The following CDC42EP2 variants were observed in gnomAD, a reference collection of about 807,000 sequenced individuals.
CDC42EP2 encodes the protein CDC42 effector protein 2.
A neutral mutation model predicts 7.3 loss-of-function variants in CDC42EP2; 5 were observed. The observed-to-expected ratio is 0.68, with a 90% confidence interval of 0.36 to 1.44. CDC42EP2 has a LOEUF of 1.44. Ranked by LOEUF, CDC42EP2 falls within the 40% of genes most tolerant of loss-of-function variation. The pLI is 0.04. For missense variants in CDC42EP2, 251 were observed against 282.6 expected (o/e 0.89, Z 0.80); for synonymous variants, 113 against 123.6 (o/e 0.91, Z 0.57).
chr11:65,321,309 C>T lies in CDC42EP2; in HGVS notation c.411C>T (p.Thr137=), dbSNP rs1949973806. 6.2e-7 allele frequency: 1 copy of T among 1,613,878 alleles called. No individual in the cohort carries two copies. Among genetic ancestry groups the T allele is most frequent in the African/African-American group, 1.3e-5 (1 of 74,910 alleles). ...AGCCCCCTCGCCTGCACCTGGAGAC[C>T]CCTCAGCCTTCCCCACAGGAGGGAG... ...PPKPPRLHLE[T]PQPSPQEGGS... The change falls in exon 2 of 2, where the codon ACC becomes ACT. Residue 137 remains threonine, a synonymous_variant. Transcript: ENST00000279249. The surrounding 1 kb of genome is among the most constrained non-coding windows in gnomAD (Gnocchi z 4.4).
chr11:65,315,937 G>T lies in CDC42EP2; in HGVS notation c.-356+983G>T, dbSNP rs563575343. ...CGGAGAATCGAAGTGCTTGAGGAAGGAAGGCCTTGTAGATATTTGCTGAAT... is the reference window on the plus strand; with the variant it reads ...CGGAGAATCGAAGTGCTTGAGGAAGTAAGGCCTTGTAGATATTTGCTGAAT... On this transcript the variant is annotated intron_variant, in intron 1 of 1. Coordinates refer to ENST00000279249, the MANE Select transcript of CDC42EP2 (RefSeq NM_006779.4). This position sits in a 1 kb window ranked among gnomAD's most constrained non-coding sequence, Gnocchi z 4.1. 6.6e-6 allele frequency among the ~76,000 whole-genome samples: 1 copy of T among 152,224 alleles called. No homozygotes were observed. Among genetic ancestry groups the T allele is most frequent in the Non-Finnish European group, 1.5e-5 (1 of 68,032 alleles).
At chr11:65,318,868 C>CTTTTTTTTTTTTTT (rs11333656) in intron 1 of CDC42EP2, among the ~76,000 whole-genome samples, 3 of 25,580 alleles carry the variant, frequency 1.2e-4, no homozygotes, top group African/African-American at 2.3e-4. Flanking sequence ...CTGCACCTGA[C>CTTTTTTTTTTTTTT]TTTTTTTTTT....
chr11:65,317,275 C>T (rs541422621), intron 1 of CDC42EP2: 1 of 152,376 alleles, frequency 6.6e-6, no homozygotes, highest in East Asian at 1.9e-4. Flanking sequence ...CTCAGTACGA[C>T]TGACCCGGGT....
rs1454120522 is a variant in CDC42EP2, at chr11:65,321,807, TCTTC to T, written c.*281_*284del. 2 of 383,814 alleles carry T rather than the reference TCTTC, an allele frequency of 5.2e-6. No individual in the cohort carries two copies. Among genetic ancestry groups the T allele is most frequent in the African/African-American group, 4.0e-5 (2 of 49,500 alleles). 23.8% of individuals were successfully genotyped at this position (383,814 alleles called of 1,614,324 possible). On this transcript the variant is annotated 3_prime_UTR_variant, in exon 2 of 2. Transcript: ENST00000279249. This position sits in a 1 kb window ranked among gnomAD's most constrained non-coding sequence, Gnocchi z 4.4. ...ACCTGGACCCCATCACAATACTCCT[TCTTC>T]CTTCAGGTCCCTGGGTGAAGGCTTT...
chr11:65,318,572 A>C (rs1287231710), intron 1 of CDC42EP2, among the ~76,000 whole-genome samples: 3 of 152,046 alleles, frequency 2.0e-5, no homozygotes, highest in African/African-American at 4.8e-5. Flanking sequence ...TACAGGCGCC[A>C]GCCACCATGC....
chr11:65,320,845 T>C lies in CDC42EP2; in HGVS notation c.-54T>C. The C allele has an allele frequency of 6.5e-7, 1 of 1,538,942 alleles. No individual in the cohort carries two copies. The highest frequency in any genetic ancestry group is 8.8e-7 in the Non-Finnish European group (1 of 1,134,368). On this transcript the variant is annotated 5_prime_UTR_variant, in exon 2 of 2. Coordinates refer to ENST00000279249, the MANE Select transcript of CDC42EP2 (RefSeq NM_006779.4). The stretch of plus-strand genomic sequence containing the variant: ...CTGGCTGAGGGTTGGAGAGGAGGTG[T>C]GGTCTCAGCAGGCGGCCCGTAGCCT...
In CDC42EP2 at chr11:65,315,249, C is replaced by A. The variant is rs1444091188; in HGVS notation, c.-356+295C>A. 2.0e-5 allele frequency among the ~76,000 whole-genome samples: 3 copies of A among 152,240 alleles called. No individual in the cohort carries two copies. Among genetic ancestry groups the A allele is most frequent in the African/African-American group, 7.2e-5 (3 of 41,468 alleles). On this transcript the variant is annotated intron_variant, in intron 1 of 1. Coordinates refer to ENST00000279249, the MANE Select transcript of CDC42EP2 (RefSeq NM_006779.4). This position sits in a 1 kb window ranked among gnomAD's most constrained non-coding sequence, Gnocchi z 4.1. ...CGAGACCCAGGGGTGCCCCGCCGCC[C>A]AGCATCCCCACCGGGGCTGGGGGCC...
rs892173713 is a variant in CDC42EP2, at chr11:65,321,621, A to C, written c.*90A>C. 1.1e-4 allele frequency: 135 copies of C among 1,238,408 alleles called. No individual in the cohort carries two copies. Among genetic ancestry groups the C allele is most frequent in the Non-Finnish European group, 1.5e-4 (134 of 879,110 alleles). 76.7% of individuals were successfully genotyped at this position (1,238,408 alleles called of 1,614,324 possible). A position where few individuals can be genotyped will look rare whatever the true frequency, so the allele number is the denominator to read the frequency against. On this transcript the variant is annotated 3_prime_UTR_variant, in exon 2 of 2. Coordinates refer to ENST00000279249, the MANE Select transcript of CDC42EP2 (RefSeq NM_006779.4). This position sits in a 1 kb window ranked among gnomAD's most constrained non-coding sequence, Gnocchi z 4.4. ...GCCCTGGCGGCGGAGTCAGGGTCCCAAGATCCCACCTGTATGGTCGCTGGC... is the reference window on the plus strand; with the variant it reads ...GCCCTGGCGGCGGAGTCAGGGTCCCCAGATCCCACCTGTATGGTCGCTGGC...
Position 65,320,810 on chromosome 11 carries a change from AGT to A in CDC42EP2, c.-86_-85del. The A allele has an allele frequency of 1.4e-6, 2 of 1,401,156 alleles. No homozygotes were observed. The highest frequency in any genetic ancestry group is 1.9e-6 in the Non-Finnish European group (2 of 1,032,300). The allele number at this position is 1,401,156 out of a possible 1,614,324, so 86.8% of individuals were successfully genotyped here. A position where few individuals can be genotyped will look rare whatever the true frequency, so the allele number is the denominator to read the frequency against. Reference sequence around the variant, plus strand: ...CACCTGCAAACCACCCCGTGGAACGAGTGTTTCCTCTGGCTGAGGGTTGGAGA... The same window carrying A: ...CACCTGCAAACCACCCCGTGGAACGAGTTTCCTCTGGCTGAGGGTTGGAGA... On this transcript the variant is annotated 5_prime_UTR_variant, in exon 2 of 2. Transcript: ENST00000279249.
intron 1 of CDC42EP2, among the ~76,000 whole-genome samples, chr11:65,319,815 T>C (rs1416953002): frequency 1.3e-5 from 2 of 152,222 alleles, no homozygotes; most frequent in East Asian, 3.9e-4. Flanking sequence ...CTTGGTCAAG[T>C]AGGGAGTCAA....
In CDC42EP2 at chr11:65,321,606, C is replaced by T. The variant is rs576443899; in HGVS notation, c.*75C>T. ...TGGGGTGTGGACCCGGCCCTGGCGG[C>T]GGAGTCAGGGTCCCAAGATCCCACC... On this transcript the variant is annotated 3_prime_UTR_variant, in exon 2 of 2. Transcript: ENST00000279249. The surrounding 1 kb of genome is among the most constrained non-coding windows in gnomAD (Gnocchi z 4.4). The T allele has an allele frequency of 2.4e-5, 34 of 1,417,958 alleles. No individual in the cohort carries two copies. The highest frequency in any genetic ancestry group is 1.6e-4 in the African/African-American group (11 of 69,878). 87.8% of individuals were successfully genotyped at this position (1,417,958 alleles called of 1,614,324 possible). A position where few individuals can be genotyped will look rare whatever the true frequency, so the allele number is the denominator to read the frequency against.
chr11:65,321,119 A>T lies in CDC42EP2; in HGVS notation c.221A>T (p.Glu74Val). 1.9e-6 allele frequency: 3 copies of T among 1,614,092 alleles called. No homozygotes were observed. In the Admixed American group the frequency reaches 5.0e-5, roughly 27 times the overall value. The part of the protein sequence containing the change: ...LLPGTMVEGP[E>V]EDGTFDLPFQ... The stretch of plus-strand genomic sequence containing the variant: ...CCGGGGACCATGGTGGAGGGGCCTG[A>T]AGAAGATGGCACCTTCGACCTCCCC... The change falls in exon 2 of 2, where the codon GAA becomes GTA. Residue 74 changes from glutamate (E) to valine (V), a missense_variant. Physicochemically the swap from Glu to Val is moderately radical, Grantham distance 121. Coordinates refer to ENST00000279249, the MANE Select transcript of CDC42EP2 (RefSeq NM_006779.4). This position sits in a 1 kb window ranked among gnomAD's most constrained non-coding sequence, Gnocchi z 4.4.
chr11:65,320,846 G>C lies in CDC42EP2; in HGVS notation c.-53G>C. ...TGGCTGAGGGTTGGAGAGGAGGTGT[G>C]GTCTCAGCAGGCGGCCCGTAGCCTC... On this transcript the variant is annotated 5_prime_UTR_variant, in exon 2 of 2. Coordinates refer to ENST00000279249, the MANE Select transcript of CDC42EP2 (RefSeq NM_006779.4). 6.5e-6 allele frequency: 10 copies of C among 1,542,974 alleles called. No homozygotes were observed. Among genetic ancestry groups the C allele is most frequent in the Non-Finnish European group, 8.8e-6 (10 of 1,136,420 alleles).
At position 65,321,095 on chromosome 11, in the gene CDC42EP2, CG is replaced by C. The variant is rs745926626; in HGVS notation, c.201del (p.Thr68ProfsTer96). 1.2e-6 allele frequency: 2 copies of C among 1,614,126 alleles called. No homozygotes were observed. On this transcript the variant is annotated frameshift_variant, in exon 2 of 2. Coordinates refer to ENST00000279249, the MANE Select transcript of CDC42EP2 (RefSeq NM_006779.4). LOFTEE classifies it high-confidence loss of function. This position sits in a 1 kb window ranked among gnomAD's most constrained non-coding sequence, Gnocchi z 4.4. ...SFLQGKFHLL[P>X]GTMVEGPEED... The stretch of plus-strand genomic sequence containing the variant: ...CTGCAGGGCAAGTTCCACCTCCTGC[CG>C]GGGACCATGGTGGAGGGGCCTGAAG...
At position 65,320,770 on chromosome 11, in the gene CDC42EP2, G is replaced by A; in HGVS notation, c.-129G>A. ...GCCCCCACACTGTAGCCAGAAGCCC[G>A]TTGGCGAGCTCTGGCACCTGCAAAC... is the stretch of plus-strand genomic sequence containing the variant. On this transcript the variant is annotated 5_prime_UTR_variant, in exon 2 of 2. Coordinates refer to ENST00000279249, the MANE Select transcript of CDC42EP2 (RefSeq NM_006779.4). 2.2e-6 allele frequency: 2 copies of A among 926,112 alleles called. No individual in the cohort carries two copies. The highest frequency in any genetic ancestry group is 2.6e-5 in the East Asian group (1 of 37,748). 57.4% of individuals were successfully genotyped at this position (926,112 alleles called of 1,614,324 possible). A position where few individuals can be genotyped will look rare whatever the true frequency, so the allele number is the denominator to read the frequency against.
Position 65,319,343 on chromosome 11 carries a change from T to C in CDC42EP2, c.-355-1201T>C, listed in dbSNP as rs977464428. ...CAGGGTTTCACCATGTTAGCTAGGA[T>C]GGTCTTGATCTCCTGACCTCGTGAT... On this transcript the variant is annotated intron_variant, in intron 1 of 1. Transcript: ENST00000279249. Among the ~76,000 whole-genome samples, 4 of 151,954 alleles carry C rather than the reference T, an allele frequency of 2.6e-5. No homozygotes were observed. In the South Asian group the frequency reaches 6.2e-4, roughly 24 times the overall value.
chr11:65,321,334 G>A lies in CDC42EP2; in HGVS notation c.436G>A (p.Gly146Arg). The A allele has an allele frequency of 6.2e-7, 1 of 1,613,980 alleles. No individual in the cohort carries two copies. Among genetic ancestry groups the A allele is most frequent in the Non-Finnish European group, 8.5e-7 (1 of 1,180,018 alleles). Residue 146 changes from glycine to arginine, a missense_variant, in exon 2 of 2, where the codon GGG (glycine) becomes AGG (arginine). Coordinates refer to ENST00000279249, the MANE Select transcript of CDC42EP2 (RefSeq NM_006779.4). The surrounding 1 kb of genome is among the most constrained non-coding windows in gnomAD (Gnocchi z 4.4). The part of the protein sequence containing the change: ...ETPQPSPQEG[G>R]SVDIWRIPET... Reference sequence around the variant, plus strand: ...CCCTCAGCCTTCCCCACAGGAGGGAGGGAGTGTGGACATCTGGAGGATTCC... The same window carrying A: ...CCCTCAGCCTTCCCCACAGGAGGGAAGGAGTGTGGACATCTGGAGGATTCC...
chr11:65,315,373 G>A lies in CDC42EP2; in HGVS notation c.-356+419G>A, dbSNP rs1016711562. Among the ~76,000 whole-genome samples the A allele has an allele frequency of 1.3e-5, 2 of 152,216 alleles. No individual in the cohort carries two copies. The highest frequency in any genetic ancestry group is 2.9e-5 in the Non-Finnish European group (2 of 68,016). ...TGGGCTGGGCTCCGCCCGGGTAGGA[G>A]TGGGGAGGGGTCGGCGCAGGAACCC... On this transcript the variant is annotated intron_variant, in intron 1 of 1. Coordinates refer to ENST00000279249, the MANE Select transcript of CDC42EP2 (RefSeq NM_006779.4). This position sits in a 1 kb window ranked among gnomAD's most constrained non-coding sequence, Gnocchi z 4.1.
At chr11:65,316,390 T>C (rs539363321) in intron 1 of CDC42EP2, among the ~76,000 whole-genome samples, 13 of 152,238 alleles carry the variant, frequency 8.5e-5, no homozygotes, top group Middle Eastern at 3.4e-3. Flanking sequence ...CTCATTCTCA[T>C]ATCTCTGGAC....
Sources: allele counts gnomAD v4.1 joint callset (sites outside exome capture counted in the v4.1 genomes callset), GRCh38; gene constraint gnomAD v4.1.1; non-coding constraint Gnocchi (gnomAD v3.1); transcripts MANE v1.5; gene names NCBI Gene and HGNC (gene_info 2026-07-23, HGNC 2026-07-21).